ERBB4: variants seen among roughly 807,000 people sequenced by gnomAD.
ERBB4 encodes erb-b2 receptor tyrosine kinase 4.
Under a neutral mutation model 158.0 loss-of-function variants are expected in ERBB4, and 42 were observed. The ratio of observed to expected loss-of-function variants is 0.27; its 90% CI spans 0.21 to 0.34. ERBB4 has a LOEUF of 0.34. Ranked by LOEUF, ERBB4 falls within the 10% of genes least tolerant of loss-of-function variation. The probability of loss-of-function intolerance (pLI) is 1.00; values close to 1 mark genes in which losing one functional copy is unlikely to be tolerated. For missense variants in ERBB4, 1,333 were observed against 1,624.1 expected (o/e 0.82, Z 3.08); for synonymous variants, 583 against 558.7 (o/e 1.04, Z -0.61).
intron 16 of ERBB4, 102 bp from the exon 17 acceptor site, chr2:211,630,696 A>G (rs2070084977): frequency 2.8e-6 from 3 of 1,054,902 alleles, no homozygotes; most frequent in Non-Finnish European, 2.8e-6. Context: ...ACATTTCACA[A>G]ATCTAGTCAT....
chr2:212,521,082 A>C, intron 1 of ERBB4, among the ~76,000 whole-genome samples: 1 of 152,000 alleles, frequency 6.6e-6, no homozygotes, highest in East Asian at 1.9e-4. Context: ...AAATACATTC[A>C]GTCATACATT....
At chr2:212,187,085 C>T (rs1575768500) in intron 1 of ERBB4, among the ~76,000 whole-genome samples, 1 of 152,032 alleles carries the variant, frequency 6.6e-6, no homozygotes, top group South Asian at 2.1e-4. Context: ...AGGTCAAATA[C>T]AGTTGGAGTT....
In ERBB4 at chr2:211,983,527, C is replaced by T. The variant is rs555095075; in HGVS notation, c.235-35911G>A. Among the ~76,000 whole-genome samples, 4 of 152,248 alleles carry T rather than the reference C, an allele frequency of 2.6e-5. No homozygotes were observed. In the South Asian group the frequency reaches 8.3e-4, roughly 32 times the overall value. ...CATTTTGTCATGCATTTGTAAAGTA[C>T]TCCCATGATTTATCCAGCACACACA... On this transcript the variant is annotated intron_variant, in intron 2 of 27. Transcript: ENST00000342788.
chr2:212,423,371 G>C (rs2091840725), intron 1 of ERBB4, among the ~76,000 whole-genome samples: 1 of 152,156 alleles, frequency 6.6e-6, no homozygotes, highest in African/African-American at 2.4e-5. Flanking sequence ...ACAGAAAAAA[G>C]AGGTGTCACC....
rs537621154 is a variant in ERBB4, at chr2:211,855,225, C to A, written c.422-67066G>T. On this transcript the variant is annotated intron_variant, in intron 3 of 27. Transcript: ENST00000342788. ...TTTGCCTTAAGGAATTGTAGAATTC[C>A]TTTTTATATTTTGGATATAAGTCTT... 2.0e-5 allele frequency among the ~76,000 whole-genome samples: 3 copies of A among 152,066 alleles called. No homozygotes were observed. In the South Asian group the frequency reaches 6.2e-4, roughly 32 times the overall value.
chr2:212,444,021 T>C (rs2092304010), intron 1 of ERBB4, among the ~76,000 whole-genome samples: 2 of 152,030 alleles, frequency 1.3e-5, no homozygotes, highest in African/African-American at 4.8e-5. Flanking sequence ...GGTATATACG[T>C]GACTGGGCTC....
At chr2:211,669,813 T>G (rs552924781) in intron 14 of ERBB4, among the ~76,000 whole-genome samples, 2 of 152,258 alleles carry the variant, frequency 1.3e-5, no homozygotes, top group South Asian at 4.1e-4. Context: ...TACGAGAAAT[T>G]TACAGTCAGA....
At chr2:211,677,097 G>A (rs990503753) in intron 13 of ERBB4, among the ~76,000 whole-genome samples, 10 of 151,946 alleles carry the variant, frequency 6.6e-5, no homozygotes, top group African/African-American at 2.2e-4. Context: ...GGATGGAATT[G>A]GTTTTGGACA....
intron 2 of ERBB4, among the ~76,000 whole-genome samples, chr2:212,051,103 A>G (rs1367528730): frequency 2.0e-5 from 3 of 152,164 alleles, no homozygotes; most frequent in Non-Finnish European, 4.4e-5. Context: ...TTCTGCAGAC[A>G]TGTTTAGAAA....
intron 19 of ERBB4, among the ~76,000 whole-genome samples, chr2:211,588,152 A>G (rs1195073835): frequency 1.3e-5 from 2 of 152,206 alleles, no homozygotes; most frequent in African/African-American, 4.8e-5. Context: ...AAGAAAAATA[A>G]GAATGTATGT....
At chr2:211,917,779 G>T (rs921024276) in intron 3 of ERBB4, among the ~76,000 whole-genome samples, 6 of 152,300 alleles carry the variant, frequency 3.9e-5, no homozygotes, top group African/African-American at 9.6e-5. Context: ...GATGACATTT[G>T]ATTGCACTGA....
chr2:211,970,121 C>A (rs1167539802), intron 2 of ERBB4, among the ~76,000 whole-genome samples: 1 of 152,066 alleles, frequency 6.6e-6, no homozygotes. Context: ...TCAAAAACTT[C>A]TTGAATTCTG....
chr2:211,982,043 C>A (rs939167668), intron 2 of ERBB4, among the ~76,000 whole-genome samples: 2 of 151,924 alleles, frequency 1.3e-5, no homozygotes, highest in African/African-American at 4.8e-5. Context: ...TTTTAAAATA[C>A]TATTATTTAT....
chr2:211,940,220 A>G (rs1319094809), intron 3 of ERBB4, among the ~76,000 whole-genome samples: 1 of 152,042 alleles, frequency 6.6e-6, no homozygotes, highest in African/African-American at 2.4e-5. Flanking sequence ...GTAAGGGTGG[A>G]GAGGTGGGTA....
Position 212,236,953 on chromosome 2 carries a change from T to C in ERBB4, c.83-112050A>G, listed in dbSNP as rs535006362. Among the ~76,000 whole-genome samples the C allele has an allele frequency of 1.5e-3, 231 of 151,794 alleles. 2 individuals are homozygous for C. The highest frequency in any genetic ancestry group is 5.4e-3 in the African/African-American group (222 of 41,458). Reference sequence around the variant, plus strand: ...CATTGCTTTTTTGAAGGGTTTTTCATGTCTCTATCTTCTTCATTTCTGCTC... The same window carrying C: ...CATTGCTTTTTTGAAGGGTTTTTCACGTCTCTATCTTCTTCATTTCTGCTC... On this transcript the variant is annotated intron_variant, in intron 1 of 27. Coordinates refer to ENST00000342788, the MANE Select transcript of ERBB4 (RefSeq NM_005235.3).
intron 1 of ERBB4, among the ~76,000 whole-genome samples, chr2:212,533,323 A>T (rs116304309): frequency 0.011 from 1,743 of 152,344 alleles, 15 homozygotes; most frequent in Middle Eastern, 0.041. Context: ...AATATCAAAG[A>T]CTTTAAAGTT....
At chr2:211,607,261 A>C (rs561346607) in intron 19 of ERBB4, among the ~76,000 whole-genome samples, 1 of 152,164 alleles carries the variant, frequency 6.6e-6, no homozygotes, top group African/African-American at 2.4e-5. Context: ...CATTTTCCCC[A>C]AGTTAACTTT....
chr2:212,283,538 C>T (rs1483886001), intron 1 of ERBB4, among the ~76,000 whole-genome samples: 1 of 151,758 alleles, frequency 6.6e-6, no homozygotes, highest in African/African-American at 2.4e-5. Context: ...ATATGTATCA[C>T]CCCTTAGAGT....
At chr2:212,152,652 C>A (rs1259036472) in intron 1 of ERBB4, among the ~76,000 whole-genome samples, 35 of 152,140 alleles carry the variant, frequency 2.3e-4, no homozygotes, top group Non-Finnish European at 2.1e-4. Flanking sequence ...ATCTTCAGCC[C>A]ACATCATTCT....
Sources: gnomAD v4.1 joint callset for allele counts (sites outside exome capture counted in the v4.1 genomes callset) on GRCh38, gnomAD v4.1.1 for gene constraint, MANE v1.5 for transcripts, NCBI Gene and HGNC (gene_info 2026-07-23, HGNC 2026-07-21) for gene names.